The following ZDHHC14 variants were observed in gnomAD, a reference collection of about 807,000 sequenced individuals.
ZDHHC14 encodes the protein zDHHC palmitoyltransferase 14.
A neutral mutation model predicts 47.7 loss-of-function variants in ZDHHC14; 16 were observed. The ratio of observed to expected loss-of-function variants is 0.34; its 90% CI spans 0.23 to 0.51. ZDHHC14 has a LOEUF of 0.51. ZDHHC14 is among the 20% of genes least tolerant of loss of function. ZDHHC14 has a pLI of 0.97. For synonymous variants in ZDHHC14, 293 were observed against 278.9 expected (o/e 1.05, Z -0.50); for missense variants, 515 against 662.5 (o/e 0.78, Z 2.44).
At chr6:157,490,156 C>T (rs974688947) in intron 1 of ZDHHC14, among the ~76,000 whole-genome samples, 25 of 151,948 alleles carry the variant, frequency 1.6e-4, no homozygotes, top group Admixed American at 7.9e-4. Context: ...GCTGGTTGGG[C>T]GAGGGGGGAA....
At chr6:157,421,492 CAAAAAAAAAAAAAAA>C (rs147380621) in intron 1 of ZDHHC14, among the ~76,000 whole-genome samples, 1 of 56,706 alleles carries the variant, frequency 1.8e-5, no homozygotes, top group Non-Finnish European at 3.0e-5. Context: ...GACTCCGTCT[CAAAAAAAAAAAAAAA>C]AAAAAAAAAA....
rs191106016 is a variant in ZDHHC14 at position 157,536,382 on chromosome 6, G to A, written c.246-6203G>A. Among the ~76,000 whole-genome samples the A allele has an allele frequency of 3.9e-5, 6 of 152,232 alleles. No individual in the cohort carries two copies. The East Asian group carries it at 1.2e-3, about 29-fold the overall frequency. ...TACTATTAACAAACTTTTTTTATGT[G>A]TATCCATTTATAGACAAAACATTAA... On this transcript the variant is annotated intron_variant, in intron 1 of 8. Transcript: ENST00000359775.
chr6:157,420,455 A>G (rs1252871594), intron 1 of ZDHHC14, among the ~76,000 whole-genome samples: 1 of 150,758 alleles, frequency 6.6e-6, no homozygotes, highest in Non-Finnish European at 1.5e-5. Context: ...GGCTGAATCG[A>G]GGCACTAATG....
At chr6:157,620,568 A>T (rs2114937745) in intron 3 of ZDHHC14, among the ~76,000 whole-genome samples, 1 of 152,356 alleles carries the variant, frequency 6.6e-6, no homozygotes, top group Non-Finnish European at 1.5e-5. Context: ...GCTGAGGATG[A>T]GGCCACCTTG....
intron 8 of ZDHHC14, among the ~76,000 whole-genome samples, chr6:157,661,160 A>G (rs1778328689): frequency 6.6e-6 from 1 of 151,980 alleles, no homozygotes; most frequent in African/African-American, 2.4e-5. Context: ...GGCATGTGGA[A>G]TGTGGGTGCC....
At chr6:157,625,690 G>A (rs1009575024) in intron 3 of ZDHHC14, among the ~76,000 whole-genome samples, 132 of 152,074 alleles carry the variant, frequency 8.7e-4, no homozygotes, top group African/African-American at 3.0e-3. Flanking sequence ...GGAGGCACCC[G>A]CCGAGCCTCT....
chr6:157,531,734 G>C (rs534453088), intron 1 of ZDHHC14, among the ~76,000 whole-genome samples: 1 of 152,210 alleles, frequency 6.6e-6, no homozygotes, highest in East Asian at 1.9e-4. Context: ...GAATGAAGGC[G>C]TGAAGGAGAC....
intron 1 of ZDHHC14, among the ~76,000 whole-genome samples, chr6:157,389,263 G>T (rs1672328436): frequency 6.6e-6 from 1 of 152,074 alleles, no homozygotes; most frequent in Admixed American, 6.5e-5. Flanking sequence ...ACATATTTCT[G>T]CAATTATTTC....
chr6:157,514,763 G>T (rs113540587), intron 1 of ZDHHC14, among the ~76,000 whole-genome samples: 1 of 152,206 alleles, frequency 6.6e-6, no homozygotes, highest in Non-Finnish European at 1.5e-5. Flanking sequence ...CCCGCTGGGC[G>T]GTGGGGAGTG....
chr6:157,667,617 T>A (rs1260723450), intron 8 of ZDHHC14, among the ~76,000 whole-genome samples: 4 of 144,176 alleles, frequency 2.8e-5, no homozygotes, highest in South Asian at 2.2e-4. Context: ...AGCAAAGGTT[T>A]AAAAAAAAAA....
chr6:157,552,748 G>A lies in ZDHHC14; in HGVS notation c.406+10003G>A, dbSNP rs79577759. On this transcript the variant is annotated intron_variant, in intron 2 of 8. Transcript: ENST00000359775. ...CTGCCTCAGAAGCCAGGCCTTCCCT[G>A]CAGAGCCTCTCAGGGACAGCTTGTT... 5.9e-3 allele frequency among the ~76,000 whole-genome samples: 894 copies of A among 152,254 alleles called. 4 individuals carry two copies. Among genetic ancestry groups the A allele is most frequent in the African/African-American group, 0.013 (554 of 41,544 alleles).
rs528983964 is a variant in ZDHHC14 at position 157,510,891 on chromosome 6, G to C, written c.246-31694G>C. On this transcript the variant is annotated intron_variant, in intron 1 of 8. Transcript: ENST00000359775. Reference sequence around the variant, plus strand: ...CACCTCCCTCGCTTCAGCGGTTTCAGTAACCATACCGGGGCTGCTTCCTGC... The same window carrying C: ...CACCTCCCTCGCTTCAGCGGTTTCACTAACCATACCGGGGCTGCTTCCTGC... Among the ~76,000 whole-genome samples, 16 of 152,360 alleles carry C rather than the reference G, an allele frequency of 1.1e-4. No individual in the cohort carries two copies. The South Asian group carries it at 3.3e-3, about 32-fold the overall frequency.
chr6:157,613,997 A>G (rs1177623428), intron 3 of ZDHHC14, among the ~76,000 whole-genome samples: 1 of 152,222 alleles, frequency 6.6e-6, no homozygotes, highest in Non-Finnish European at 1.5e-5. Context: ...CTGATATTAT[A>G]TCCTTCTTCC....
rs137860832 is a variant in ZDHHC14 at position 157,568,660 on chromosome 6, G to T, written c.407-24328G>T. ...CAAATGCCTAAAAATGCTGTTGCTG[G>T]GCCAAAAGATACATACGTTTTTAAT... On this transcript the variant is annotated intron_variant, in intron 2 of 8. Coordinates refer to ENST00000359775, the MANE Select transcript of ZDHHC14 (RefSeq NM_024630.3). Among the ~76,000 whole-genome samples the T allele has an allele frequency of 1.4e-4, 22 of 152,110 alleles. No individual in the cohort carries two copies. In the East Asian group the frequency reaches 3.9e-3, roughly 27 times the overall value.
intron 1 of ZDHHC14, among the ~76,000 whole-genome samples, chr6:157,453,788 T>TTTTTTTTGTGTGTGTG (rs3220439): frequency 2.0e-5 from 3 of 148,194 alleles, no homozygotes; most frequent in African/African-American, 7.6e-5. Flanking sequence ...TTTTTGTGTT[T>TTTTTTTTGTGTGTGTG]TGTGTGTGTG....
At chr6:157,567,157 A>G (rs775621494) in intron 2 of ZDHHC14, among the ~76,000 whole-genome samples, 14 of 152,092 alleles carry the variant, frequency 9.2e-5, no homozygotes, top group Non-Finnish European at 1.9e-4. Context: ...TGGCCTAACA[A>G]GGGGGTTTTA....
chr6:157,451,028 G>GTT (rs1211784828), intron 1 of ZDHHC14, among the ~76,000 whole-genome samples: 1 of 151,998 alleles, frequency 6.6e-6, no homozygotes, highest in Non-Finnish European at 1.5e-5. Context: ...GTGTGTGTGT[G>GTT]TGTCTGTGGA....
intron 1 of ZDHHC14, among the ~76,000 whole-genome samples, chr6:157,439,009 A>C (rs1184179205): frequency 6.6e-6 from 1 of 152,210 alleles, no homozygotes; most frequent in Non-Finnish European, 1.5e-5. Context: ...TCATATTGCC[A>C]ACAAAGAGTT....
chr6:157,511,371 A>T (rs112285806), intron 1 of ZDHHC14, among the ~76,000 whole-genome samples: 1,620 of 147,232 alleles, frequency 0.011, 16 homozygotes, highest in Non-Finnish European at 0.018. Context: ...TGGTGGTGAG[A>T]GTGCATGAGG....
Sources: gnomAD v4.1 joint callset for allele counts (sites outside exome capture counted in the v4.1 genomes callset) on GRCh38, gnomAD v4.1.1 for gene constraint, MANE v1.5 for transcripts, NCBI Gene and HGNC (gene_info 2026-07-23, HGNC 2026-07-21) for gene names.